SEM1: variants seen among roughly 807,000 people sequenced by gnomAD.
SEM1 encodes the protein SEM1 26S proteasome subunit, also known as 26S proteasome complex subunit SEM1.
A neutral mutation model predicts 12.7 loss-of-function variants in SEM1; 3 were observed. That is an observed-to-expected ratio of 0.24 (90% CI 0.11 to 0.61). The LOEUF (loss-of-function observed/expected upper bound fraction) is 0.61, where lower values mean the gene tolerates loss of function less well. Ranked by LOEUF, SEM1 falls within the 20% of genes least tolerant of loss-of-function variation. The pLI is 0.88. For synonymous variants in SEM1, 30 were observed against 27.8 expected, an observed-to-expected ratio of 1.08 and a Z score of -0.25; for missense variants, 59 against 81.3, an observed-to-expected ratio of 0.73 and a Z score of 1.06.
intron 1 of SEM1, among the ~76,000 whole-genome samples, chr7:96,708,567 A>G (rs1790542857): frequency 6.6e-6 from 1 of 152,210 alleles, no homozygotes; most frequent in African/African-American, 2.4e-5. Flanking sequence ...TATAAGGTAA[A>G]TATTTACAAA....
At chr7:96,553,861 T>C (rs1805383260) in intron 2 of SEM1, among the ~76,000 whole-genome samples, 1 of 152,200 alleles carries the variant, frequency 6.6e-6, no homozygotes. Context: ...TGTATCCTCT[T>C]TTATTTCATT....
chr7:96,607,188 C>T (rs1423347187), intron 2 of SEM1, among the ~76,000 whole-genome samples: 1 of 152,162 alleles, frequency 6.6e-6, no homozygotes, highest in Admixed American at 6.5e-5. Context: ...ATTCTCAGCT[C>T]TCATGGAGTT....
intron 2 of SEM1, among the ~76,000 whole-genome samples, chr7:96,611,595 G>A (rs1186078750): frequency 2.0e-5 from 3 of 152,224 alleles, no homozygotes; most frequent in Non-Finnish European, 4.4e-5. Context: ...TGGAAAATGA[G>A]TAGGATTCAG....
chr7:96,709,062 G>A (rs180910723), intron 1 of SEM1, among the ~76,000 whole-genome samples: 22 of 152,226 alleles, frequency 1.4e-4, no homozygotes, highest in Non-Finnish European at 2.6e-4. Context: ...TGATCCTCCT[G>A]CCTCTTCCTC....
chr7:96,699,307 G>T (rs966061202), intron 1 of SEM1, among the ~76,000 whole-genome samples: 1 of 152,036 alleles, frequency 6.6e-6, no homozygotes, highest in Admixed American at 6.6e-5. Flanking sequence ...GTCCTCACCT[G>T]AGTTATTTCG....
At chr7:96,486,359 C>T (rs1428560905) in exon 2 of SEM1, 8 of 1,536,908 alleles carry the variant, frequency 5.2e-6, no homozygotes, top group African/African-American at 1.4e-5. Context: ...CCTTTTTATG[C>T]CATGCTTTCT....
chr7:96,703,519 G>A (rs2116006152), intron 1 of SEM1, among the ~76,000 whole-genome samples: 1 of 152,020 alleles, frequency 6.6e-6, no homozygotes, highest in East Asian at 1.9e-4. Context: ...TTCTCTAGGA[G>A]TTTATCTTAT....
intron 2 of SEM1, among the ~76,000 whole-genome samples, chr7:96,573,955 C>CT (rs1806121870): frequency 1.3e-5 from 2 of 150,680 alleles, no homozygotes; most frequent in South Asian, 4.2e-4. Flanking sequence ...TTTTATTATA[C>CT]TTTAAGTTCT....
At chr7:96,579,740 C>T (rs992239914) in intron 2 of SEM1, among the ~76,000 whole-genome samples, 2 of 151,996 alleles carry the variant, frequency 1.3e-5, no homozygotes, top group African/African-American at 4.8e-5. Context: ...CTTAATTTTG[C>T]TGGTGAAACT....
downstream of SEM1, among the ~76,000 whole-genome samples, chr7:96,669,583 G>C (rs1444294073): frequency 6.6e-6 from 1 of 152,150 alleles, no homozygotes; most frequent in African/African-American, 2.4e-5. Flanking sequence ...CTTGTTCCAG[G>C]CTGATAACAT....
intron 2 of SEM1, among the ~76,000 whole-genome samples, chr7:96,569,992 G>A (rs990759497): frequency 6.6e-6 from 1 of 151,974 alleles, no homozygotes; most frequent in Non-Finnish European, 1.5e-5. Context: ...AGAAATACGA[G>A]TGCAGGTACC....
chr7:96,632,777 G>GTTTT (rs1437758372), intron 2 of SEM1, among the ~76,000 whole-genome samples: 19 of 99,042 alleles, frequency 1.9e-4, no homozygotes, highest in African/African-American at 6.1e-4. Flanking sequence ...TTTTTTTGTT[G>GTTTT]TTTTTTGTTT....
chr7:96,708,691 A>G (rs988314879), intron 1 of SEM1, among the ~76,000 whole-genome samples: 3 of 152,250 alleles, frequency 2.0e-5, no homozygotes, highest in Non-Finnish European at 4.4e-5. Context: ...GGTGTCAATC[A>G]GGCCAGGTTT....
In SEM1 at chr7:96,556,580, C is replaced by T. The variant is rs1232355733; in HGVS notation, c.171-49882G>A. Among the ~76,000 whole-genome samples, 3 of 151,686 alleles carry T rather than the reference C, an allele frequency of 2.0e-5. No homozygotes were observed. The East Asian group carries it at 5.9e-4, about 30-fold the overall frequency. ...AATCCGCTGTTAGTCTGATGGGCTT[C>T]CCTTTGAGGGTAACCCGACCTTTCT... On this transcript the variant is annotated intron_variant and NMD_transcript_variant, in intron 2 of 3. Transcript: ENST00000466986.
intron 2 of SEM1, among the ~76,000 whole-genome samples, chr7:96,508,489 A>C (rs1803826183): frequency 1.3e-5 from 2 of 152,148 alleles, no homozygotes. Flanking sequence ...CTAAGTGATG[A>C]AGCCAAGAAT....
chr7:96,593,643 A>C (rs1806905826), intron 2 of SEM1, among the ~76,000 whole-genome samples: 1 of 152,204 alleles, frequency 6.6e-6, no homozygotes, highest in Admixed American at 6.5e-5. Context: ...AACTGCATAC[A>C]CAAATTTAAA....
intron 2 of SEM1, among the ~76,000 whole-genome samples, chr7:96,521,347 T>C (rs1804263420): frequency 6.6e-6 from 1 of 152,084 alleles, no homozygotes; most frequent in South Asian, 2.1e-4. Flanking sequence ...AGGGGAACTG[T>C]CAGTCCAAGG....
At chr7:96,610,981 T>A (rs1218961557) in intron 2 of SEM1, among the ~76,000 whole-genome samples, 1 of 152,128 alleles carries the variant, frequency 6.6e-6, no homozygotes, top group Non-Finnish European at 1.5e-5. Context: ...TAAAAGGAAA[T>A]CAATTGTCTT....
At chr7:96,535,174 G>A (rs1357061677) in intron 2 of SEM1, among the ~76,000 whole-genome samples, 2 of 151,908 alleles carry the variant, frequency 1.3e-5, no homozygotes, top group Admixed American at 6.6e-5. Flanking sequence ...CTAAAATTTT[G>A]TGTACCTTAA....
Sources: gnomAD v4.1 joint callset for allele counts (sites outside exome capture counted in the v4.1 genomes callset) on GRCh38, gnomAD v4.1.1 for gene constraint, MANE v1.5 for transcripts, NCBI Gene and HGNC (gene_info 2026-07-23, HGNC 2026-07-21) for gene names.